The following DBF4 variants were observed in gnomAD, a reference collection of about 807,000 sequenced individuals.
DBF4 encodes protein DBF4 homolog A.
DBF4 carries 25 observed loss-of-function variants against 76.6 expected under a neutral mutation model. The ratio of observed to expected loss-of-function variants is 0.33; its 90% CI spans 0.24 to 0.46. The LOEUF (loss-of-function observed/expected upper bound fraction) is 0.46, where lower values mean the gene tolerates loss of function less well. Among genes scored for constraint, DBF4 ranks in the 20% least tolerant of loss-of-function variants. DBF4 has a pLI of 1.00. For missense variants in DBF4, 638 were observed against 760.8 expected (o/e 0.84, Z 1.90); for synonymous variants, 213 against 258.0 (o/e 0.83, Z 1.67).
In DBF4 at chr7:87,877,048, G is replaced by A. The variant is rs371958653; in HGVS notation, c.46+270G>A. ...GTTGAAAACTAGCAAACAATGTGCAGATCCGGGACCTCGCCGGGACTGCGG... is the reference window on the plus strand; with the variant it reads ...GTTGAAAACTAGCAAACAATGTGCAAATCCGGGACCTCGCCGGGACTGCGG... On this transcript the variant is annotated intron_variant, in intron 1 of 11. Coordinates refer to ENST00000265728, the MANE Select transcript of DBF4 (RefSeq NM_006716.4). Among the ~76,000 whole-genome samples, 20 of 152,330 alleles carry A rather than the reference G, an allele frequency of 1.3e-4. No individual in the cohort carries two copies. In the South Asian group the frequency reaches 4.1e-3, roughly 32 times the overall value.
At chr7:87,895,667 G>C (rs533201745) in intron 6 of DBF4, among the ~76,000 whole-genome samples, 1 of 152,116 alleles carries the variant, frequency 6.6e-6, no homozygotes, top group Non-Finnish European at 1.5e-5. Flanking sequence ...GATTTATATA[G>C]GGAATTAGGG....
chr7:87,877,818 AAC>A (rs1298886313), intron 1 of DBF4, among the ~76,000 whole-genome samples: 6 of 152,228 alleles, frequency 3.9e-5, no homozygotes, highest in Non-Finnish European at 8.8e-5. Context: ...CTCAGGAATA[AAC>A]ACACGAATAT....
chr7:87,906,426 G>A (rs2131080106), intron 11 of DBF4, among the ~76,000 whole-genome samples: 2 of 152,050 alleles, frequency 1.3e-5, no homozygotes, highest in South Asian at 4.2e-4. Context: ...CTGGTTGAAG[G>A]GGCAGGAAAA....
rs773730824 is a variant in DBF4, at chr7:87,876,797, G to T, written c.46+19G>T. On this transcript the variant is annotated intron_variant, in intron 1 of 11. Transcript: ENST00000265728. The stretch of plus-strand genomic sequence containing the variant: ...TTCCAGGGTAAGAAGCCCCTCCTCC[G>T]CCTGCAGTCCCTTTAATCCTTTCCT... 1.2e-6 allele frequency: 2 copies of T among 1,613,612 alleles called. No individual in the cohort carries two copies. Among genetic ancestry groups the T allele is most frequent in the East Asian group, 2.2e-5 (1 of 44,884 alleles).
At chr7:87,891,504 G>A (rs1839489834) in intron 6 of DBF4, among the ~76,000 whole-genome samples, 1 of 152,134 alleles carries the variant, frequency 6.6e-6, no homozygotes, top group East Asian at 1.9e-4. Flanking sequence ...TTCAGTGCAT[G>A]TTGGTAGTCT....
At position 87,883,631 on chromosome 7, in the gene DBF4, A is replaced by G. The variant is rs947850946; in HGVS notation, c.220-1348A>G. On this transcript the variant is annotated intron_variant, in intron 2 of 11. Transcript: ENST00000265728. ...GTACATTATTTACTGTTCAATGAAAATGAATGTTGGTCGGAAAAGAAATGA... is the reference window on the plus strand; with the variant it reads ...GTACATTATTTACTGTTCAATGAAAGTGAATGTTGGTCGGAAAAGAAATGA... Among the ~76,000 whole-genome samples, 4 of 152,296 alleles carry G rather than the reference A, an allele frequency of 2.6e-5. No homozygotes were observed. In the South Asian group the frequency reaches 8.3e-4, roughly 32 times the overall value.
intron 8 of DBF4, among the ~76,000 whole-genome samples, chr7:87,898,005 T>C (rs1177071399): frequency 2.0e-5 from 3 of 152,198 alleles, no homozygotes; most frequent in Non-Finnish European, 2.9e-5. Flanking sequence ...CTCTAACTCT[T>C]GACCTCAAGT....
In DBF4 at chr7:87,876,577, C is replaced by A; in HGVS notation, c.-156C>A. On this transcript the variant is annotated 5_prime_UTR_variant, in exon 1 of 12. Coordinates refer to ENST00000265728, the MANE Select transcript of DBF4 (RefSeq NM_006716.4). ...GGAGCCGGATCCGGCCCCGGAAACC[C>A]GACCTGCAGACGCGGTACCTCTACT... The A allele has an allele frequency of 1.3e-6, 1 of 778,494 alleles. No individual in the cohort carries two copies. The highest frequency in any genetic ancestry group is 2.1e-6 in the Non-Finnish European group (1 of 479,230). The allele number at this position is 778,494 out of a possible 1,614,324, so 48.2% of individuals were successfully genotyped here. A position where few individuals can be genotyped will look rare whatever the true frequency, so the allele number is the denominator to read the frequency against.
intron 6 of DBF4, 42 bp downstream of exon 6, chr7:87,888,101 T>C: frequency 1.3e-6 from 2 of 1,523,200 alleles, no homozygotes; most frequent in South Asian, 1.3e-5. Flanking sequence ...CAAGCTTGGT[T>C]TTTTTACTTA....
chr7:87,877,549 A>T (rs1023437066), intron 1 of DBF4, among the ~76,000 whole-genome samples: 1 of 152,222 alleles, frequency 6.6e-6, no homozygotes, highest in Non-Finnish European at 1.5e-5. Context: ...GACAAATTGT[A>T]TGTGAAATGG....
At chr7:87,879,749 C>G (rs1839164923) in intron 2 of DBF4, among the ~76,000 whole-genome samples, 1 of 152,040 alleles carries the variant, frequency 6.6e-6, no homozygotes, top group East Asian at 1.9e-4. Flanking sequence ...GCCAGGAGTT[C>G]AAGACCAGCC....
intron 1 of DBF4, 65 bp downstream of exon 1, chr7:87,876,843 G>A: frequency 1.3e-6 from 2 of 1,570,330 alleles, no homozygotes; most frequent in Non-Finnish European, 1.7e-6. Flanking sequence ...TTCCACCATT[G>A]ATTCTTCAGA....
At chr7:87,883,992 A>T (rs1403600794) in intron 2 of DBF4, among the ~76,000 whole-genome samples, 1 of 151,966 alleles carries the variant, frequency 6.6e-6, no homozygotes, top group Non-Finnish European at 1.5e-5. Context: ...AATAACCTTC[A>T]CTTTGGTACA....
Position 87,885,156 on chromosome 7 carries a change from A to T in DBF4, c.397A>T (p.Thr133Ser). The change falls in exon 3 of 12, where the codon ACA becomes TCA. Residue 133 changes from threonine (T) to serine (S), a missense_variant and splice_region_variant. Physicochemically the swap from Thr to Ser is moderately conservative, Grantham distance 58. Transcript: ENST00000265728. Reference sequence around the variant, plus strand: ...TGGAAGTTCATTTAAGTCACCAGACACAGTAAGTCTCTTAAATATGCTTTG... The same window carrying T: ...TGGAAGTTCATTTAAGTCACCAGACTCAGTAAGTCTCTTAAATATGCTTTG... Reference protein sequence around the residue: ...HDGSSFKSPDTVCLSRGKLLV... With the variant: ...HDGSSFKSPDSVCLSRGKLLV... 2 of 1,600,626 alleles carry T rather than the reference A, an allele frequency of 1.2e-6. No homozygotes were observed. Among genetic ancestry groups the T allele is most frequent in the Non-Finnish European group, 1.7e-6 (2 of 1,173,092 alleles).
intron 2 of DBF4, among the ~76,000 whole-genome samples, chr7:87,883,650 G>C (rs1839273459): frequency 6.6e-6 from 1 of 152,162 alleles, no homozygotes; most frequent in African/African-American, 2.4e-5. Flanking sequence ...GGTCGGAAAA[G>C]AAATGATTTG....
At chr7:87,888,099 G>GC in intron 6 of DBF4, 40 bp downstream of exon 6, 1 of 1,523,414 alleles carries the variant, frequency 6.6e-7, no homozygotes, top group Non-Finnish European at 8.8e-7. Context: ...ACCAAGCTTG[G>GC]TTTTTTTACT....
chr7:87,897,235 T>TAAA (rs11422356), intron 7 of DBF4, 59 bp from the exon 8 acceptor site: 35,303 of 1,312,112 alleles, frequency 0.027, 199 homozygotes, highest in East Asian at 0.086. Context: ...GTAGTTTTAT[T>TAAA]AAAAAAAAAA....
At chr7:87,896,429 A>C in intron 6 of DBF4, 45 bp from the exon 7 acceptor site, 1 of 1,546,856 alleles carries the variant, frequency 6.5e-7, no homozygotes, top group Non-Finnish European at 8.9e-7. Context: ...TGCTGTTTTA[A>C]CTGTACTTTC....
intron 8 of DBF4, 49 bp downstream of exon 8, chr7:87,897,388 G>GA: frequency 6.5e-7 from 1 of 1,541,638 alleles, no homozygotes; most frequent in Non-Finnish European, 8.9e-7. Flanking sequence ...TACTAAAGAG[G>GA]AAAATCACCT....
Sources: gnomAD v4.1 joint callset for allele counts (sites outside exome capture counted in the v4.1 genomes callset) on GRCh38, gnomAD v4.1.1 for gene constraint, MANE v1.5 for transcripts, NCBI Gene and HGNC (gene_info 2026-07-23, HGNC 2026-07-21) for gene names.